The following DPYD variants were observed in gnomAD, a reference collection of about 807,000 sequenced individuals.
DPYD encodes the protein dihydropyrimidine dehydrogenase, also known as dihydropyrimidine dehydrogenase [NADP(+)].
A neutral mutation model predicts 116.2 loss-of-function variants in DPYD; 109 were observed. The ratio of observed to expected loss-of-function variants is 0.94; its 90% CI spans 0.80 to 1.10. DPYD has a LOEUF of 1.10. Ranked by LOEUF, DPYD falls within the 50% of genes least tolerant of loss-of-function variation. The probability of loss-of-function intolerance (pLI) is 0.00; values close to 1 mark genes in which losing one functional copy is unlikely to be tolerated. For synonymous variants in DPYD, 440 were observed against 432.0 expected (o/e 1.02, Z -0.23); for missense variants, 1,302 against 1,254.5 (o/e 1.04, Z -0.57).
chr1:97,292,001 G>A (rs1166145410), intron 18 of DPYD, among the ~76,000 whole-genome samples: 1 of 151,852 alleles, frequency 6.6e-6, no homozygotes, highest in Non-Finnish European at 1.5e-5. Flanking sequence ...AAATTATAAT[G>A]CGTTATACCC....
At chr1:97,852,822 A>T (rs1670638942) in intron 2 of DPYD, among the ~76,000 whole-genome samples, 2 of 152,170 alleles carry the variant, frequency 1.3e-5, no homozygotes, top group Admixed American at 1.3e-4. Flanking sequence ...TGTTCGTCAC[A>T]ATTCAAATAC....
intron 4 of DPYD, among the ~76,000 whole-genome samples, chr1:97,724,048 C>A (rs1663071699): frequency 6.6e-6 from 1 of 151,452 alleles, no homozygotes; most frequent in Non-Finnish European, 1.5e-5. Flanking sequence ...ATCACACAAT[C>A]ATATTAAAAG....
At chr1:97,255,224 T>C (rs1663369132) in intron 18 of DPYD, among the ~76,000 whole-genome samples, 1 of 152,168 alleles carries the variant, frequency 6.6e-6, no homozygotes, top group South Asian at 2.1e-4. Flanking sequence ...AGGCCCAGTT[T>C]CATAAGCATA....
chr1:97,624,725 C>G (rs1656827332), intron 8 of DPYD, among the ~76,000 whole-genome samples: 1 of 151,898 alleles, frequency 6.6e-6, no homozygotes, highest in African/African-American at 2.4e-5. Flanking sequence ...AAGTATCTAT[C>G]AACAGATAAA....
intron 16 of DPYD, among the ~76,000 whole-genome samples, chr1:97,349,944 C>T (rs113334852): frequency 0.045 from 1,335 of 29,396 alleles, 28 homozygotes; most frequent in African/African-American, 0.099. Flanking sequence ...CTAAAAGAAT[C>T]CAAAAAAAAA....
chr1:97,775,248 T>TA (rs1384007876), intron 3 of DPYD, among the ~76,000 whole-genome samples: 2 of 152,176 alleles, frequency 1.3e-5, no homozygotes, highest in African/African-American at 4.8e-5. Flanking sequence ...TATACCAACA[T>TA]ACATTAACTA....
intron 18 of DPYD, among the ~76,000 whole-genome samples, chr1:97,249,624 CTT>C (rs1437048891): frequency 2.0e-5 from 3 of 151,826 alleles, no homozygotes; most frequent in East Asian, 3.9e-4. Context: ...AAACTGGACA[CTT>C]GAACAAAATA....
At chr1:97,115,806 AT>A (rs1252248658) in intron 20 of DPYD, among the ~76,000 whole-genome samples, 2 of 152,186 alleles carry the variant, frequency 1.3e-5, no homozygotes, top group Non-Finnish European at 2.9e-5. Flanking sequence ...GGGAGGATGC[AT>A]ATGTAATGAC....
At chr1:97,342,372 T>C (rs1191606509) in intron 16 of DPYD, among the ~76,000 whole-genome samples, 3 of 152,174 alleles carry the variant, frequency 2.0e-5, no homozygotes, top group African/African-American at 7.2e-5. Flanking sequence ...GAATATTTCA[T>C]ATTGTGCCTT....
chr1:97,563,569 C>A (rs778547739), intron 11 of DPYD, among the ~76,000 whole-genome samples: 1 of 152,180 alleles, frequency 6.6e-6, no homozygotes, highest in Non-Finnish European at 1.5e-5. Flanking sequence ...TATCCACTGT[C>A]TCCCTGTAAG....
At chr1:97,164,901 G>A (rs1656205588) in intron 20 of DPYD, among the ~76,000 whole-genome samples, 3 of 151,058 alleles carry the variant, frequency 2.0e-5, no homozygotes, top group South Asian at 2.1e-4. Context: ...GTAGAGATGC[G>A]GTTTCACCAT....
intron 3 of DPYD, among the ~76,000 whole-genome samples, chr1:97,775,721 T>C (rs1666364744): frequency 6.6e-6 from 1 of 152,156 alleles, no homozygotes; most frequent in African/African-American, 2.4e-5. Context: ...ATGTCATCTT[T>C]GTGAGAGCAG....
At chr1:97,254,257 T>G (rs554944982) in intron 18 of DPYD, among the ~76,000 whole-genome samples, 1 of 152,314 alleles carries the variant, frequency 6.6e-6, no homozygotes, top group South Asian at 2.1e-4. Context: ...CTCTAGGCAT[T>G]GCACTGTACA....
intron 8 of DPYD, among the ~76,000 whole-genome samples, chr1:97,657,822 T>C (rs868644613): frequency 4.6e-5 from 7 of 152,154 alleles, no homozygotes; most frequent in Non-Finnish European, 1.0e-4. Flanking sequence ...TGTTGAAGAC[T>C]GGTAGTTTCT....
chr1:97,624,603 C>T (rs1656816938), intron 8 of DPYD, among the ~76,000 whole-genome samples: 1 of 151,908 alleles, frequency 6.6e-6, no homozygotes, highest in South Asian at 2.1e-4. Flanking sequence ...ATCCAGAAAT[C>T]CCACTTCTGG....
At chr1:97,112,483 A>G (rs1341401458) in intron 20 of DPYD, among the ~76,000 whole-genome samples, 1 of 152,150 alleles carries the variant, frequency 6.6e-6, no homozygotes, top group African/African-American at 2.4e-5. Flanking sequence ...TGTAGCCTAA[A>G]CTAGATGCTG....
chr1:97,708,556 C>T (rs1020640666), intron 5 of DPYD, among the ~76,000 whole-genome samples: 3 of 151,996 alleles, frequency 2.0e-5, no homozygotes, highest in Non-Finnish European at 4.4e-5. Flanking sequence ...TGCAGCTTTA[C>T]AGTAAGTCTT....
intron 2 of DPYD, among the ~76,000 whole-genome samples, chr1:97,848,675 G>A (rs185082897): frequency 2.2e-4 from 34 of 152,212 alleles, no homozygotes; most frequent in African/African-American, 8.2e-4. Context: ...CACTTATAAA[G>A]GAAAGATTAT....
At chr1:97,118,298 G>T (rs1255752785) in intron 20 of DPYD, among the ~76,000 whole-genome samples, 2 of 152,004 alleles carry the variant, frequency 1.3e-5, no homozygotes, top group Non-Finnish European at 2.9e-5. Flanking sequence ...ATAATCTTCA[G>T]ATTTTATTGT....
Sources: allele counts gnomAD v4.1 joint callset (sites outside exome capture counted in the v4.1 genomes callset), GRCh38; gene constraint gnomAD v4.1.1; transcripts MANE v1.5; gene names NCBI Gene and HGNC (gene_info 2026-07-23, HGNC 2026-07-21).